The following PSG7 variants were observed in gnomAD, a reference collection of about 807,000 sequenced individuals.
The protein encoded by PSG7 is pregnancy-specific beta-1-glycoprotein 7.
A neutral mutation model predicts 45.6 loss-of-function variants in PSG7; 57 were observed. That is an observed-to-expected ratio of 1.25 (90% CI 1.01 to 1.56). The LOEUF (loss-of-function observed/expected upper bound fraction) is 1.56, where lower values mean the gene tolerates loss of function less well. Ranked by LOEUF, PSG7 falls within the 40% of genes most tolerant of loss-of-function variation. PSG7 has a pLI of 0.00. For missense variants in PSG7, 796 were observed against 508.4 expected, an observed-to-expected ratio of 1.57 and a Z score of -5.44; for synonymous variants, 298 against 194.4, an observed-to-expected ratio of 1.53 and a Z score of -4.43.
Position 42,925,777 on chromosome 19 carries a change from G to A in PSG7, c.1239C>T (p.Val413=), listed in dbSNP as rs752617449. 3.7e-6 allele frequency: 6 copies of A among 1,611,934 alleles called. No homozygotes were observed. The East Asian group carries it at 8.9e-5, about 24-fold the overall frequency. ...KESSKSVTVR[V]SDWTLP ...AGGATGCTGGGATCCACTTACCAGAGACTCTGACTGTCACGGATTTGGAGC... is the reference window on the plus strand; with the variant it reads ...AGGATGCTGGGATCCACTTACCAGAAACTCTGACTGTCACGGATTTGGAGC... The change falls in exon 5 of 6, where the codon GTC becomes GTT. Residue 413 remains valine, a synonymous_variant. Transcript: ENST00000406070.
chr19:42,931,894 T>C (rs988855874), intron 2 of PSG7, among the ~76,000 whole-genome samples: 1 of 151,364 alleles, frequency 6.6e-6, no homozygotes, highest in Non-Finnish European at 1.5e-5. Flanking sequence ...CCACTTTTTT[T>C]CCCCCACTCT....
intron 2 of PSG7, among the ~76,000 whole-genome samples, chr19:42,934,858 G>C (rs1189070332): frequency 6.6e-6 from 1 of 151,680 alleles, no homozygotes; most frequent in African/African-American, 2.4e-5. Context: ...GAGGCTCTGA[G>C]GGCTGAGCCC....
In PSG7 at chr19:42,924,800, A is replaced by G. The variant is rs1467554364; in HGVS notation, c.*8T>C. The G allele has an allele frequency of 2.6e-6, 2 of 765,064 alleles. No individual in the cohort carries two copies. Among genetic ancestry groups the G allele is most frequent in the Non-Finnish European group, 4.8e-6 (2 of 416,886 alleles). 47.4% of individuals were successfully genotyped at this position (765,064 alleles called of 1,614,324 possible). Reference sequence around the variant, plus strand: ...GGGAGAAGATGGAATTGGAGGAACTAGTAGAATTCAGGGTAATGTCCAGTC... The same window carrying G: ...GGGAGAAGATGGAATTGGAGGAACTGGTAGAATTCAGGGTAATGTCCAGTC... On this transcript the variant is annotated 3_prime_UTR_variant, in exon 6 of 6. Transcript: ENST00000406070.
chr19:42,925,935 G>T lies in PSG7; in HGVS notation c.1081C>A (p.Pro361Thr), dbSNP rs1436744299. Residue 361 changes from proline to threonine, a missense_variant, in exon 5 of 6, where the codon CCG becomes ACG. Physicochemically the swap from Pro to Thr is conservative, Grantham distance 38. Transcript: ENST00000406070. ...YLSCFADSNP[P>T]AQYSWTINGK... ...TTAATTGTCCAAGAATACTGTGCCG[G>T]TGGGTTAGAGTCCGCAAAGCAGGAC... 1.9e-6 allele frequency: 3 copies of T among 1,612,254 alleles called. No homozygotes were observed. The African/African-American group carries it at 4.0e-5, about 22-fold the overall frequency.
chr19:42,937,020 C>A lies in PSG7; in HGVS notation c.57G>T (p.Leu19=). The stretch of plus-strand genomic sequence containing the variant: ...AGGAAGTTCTCTCCTCACCTGTGAG[C>A]AGGAGCCCTTTCCAGGTTATATGCT... ...CTQHITWKGL[L]LTASLLNFWN... The change falls in exon 1 of 6, where the codon CTG becomes CTT. Residue 19 remains leucine, a synonymous_variant. Transcript: ENST00000406070. The A allele has an allele frequency of 3.7e-6, 6 of 1,611,418 alleles. No homozygotes were observed. Among genetic ancestry groups the A allele is most frequent in the Non-Finnish European group, 5.1e-6 (6 of 1,178,472 alleles).
At position 42,925,849 on chromosome 19, in the gene PSG7, G is replaced by T. The variant is rs573034811; in HGVS notation, c.1167C>A (p.Ser389Arg). The T allele has an allele frequency of 5.0e-6, 8 of 1,611,846 alleles. No homozygotes were observed. Among genetic ancestry groups the T allele is most frequent in the South Asian group, 3.3e-5 (3 of 90,620 alleles). ...TACGAACAGAGCAAGCATAGAGCCC[G>T]CTATGCTTTGTAGTAATCTGGGGGA... Reference protein sequence around the residue: ...LSIPQITTKHSGLYACSVRNS... With the variant: ...LSIPQITTKHRGLYACSVRNS... Residue 389 changes from serine (S) to arginine (R), a missense_variant, in exon 5 of 6, where the codon AGC becomes AGA. Ser to Arg is a moderately radical substitution (Grantham distance 110). Coordinates refer to ENST00000406070, the MANE Select transcript of PSG7 (RefSeq NM_002783.3).
At position 42,935,510 on chromosome 19, in the gene PSG7, C is replaced by G. The variant is rs781939010; in HGVS notation, c.324G>C (p.Leu108=). 16 of 1,612,214 alleles carry G rather than the reference C, an allele frequency of 9.9e-6. 2 individuals carry two copies. Among genetic ancestry groups the G allele is most frequent in the Non-Finnish European group, 1.4e-5 (16 of 1,179,044 alleles). ...TGTCTTCCTGGGTGACATTCTGGAT[C>G]AGCAGGGATGCATTGGAATATACTG... The part of the protein sequence containing the change: ...RETVYSNASL[L]IQNVTQEDTG... The change falls in exon 2 of 6, where the codon CTG becomes CTC. Residue 108 remains leucine, a synonymous_variant. Coordinates refer to ENST00000406070, the MANE Select transcript of PSG7 (RefSeq NM_002783.3).
chr19:42,934,194 C>G (rs1226801516), intron 2 of PSG7, among the ~76,000 whole-genome samples: 1 of 151,438 alleles, frequency 6.6e-6, no homozygotes, highest in African/African-American at 2.4e-5. Context: ...GTGTTAAGAT[C>G]TGAGGGGGAG....
chr19:42,931,890 T>C (rs28633828), intron 2 of PSG7, among the ~76,000 whole-genome samples: 1 of 145,494 alleles, frequency 6.9e-6, no homozygotes, highest in East Asian at 1.9e-4. Context: ...TGTTCCACTT[T>C]TTTTCCCCCA....
chr19:42,927,355 T>A (rs1179987285), intron 3 of PSG7: 3 of 157,560 alleles, frequency 1.9e-5, no homozygotes, highest in East Asian at 3.8e-4. Context: ...ACCAGTGACC[T>A]CTAAAGATAG....
At chr19:42,927,402 G>T in intron 3 of PSG7, 1 of 153,202 alleles carries the variant, frequency 6.5e-6, no homozygotes, top group Admixed American at 6.4e-5. Context: ...AGAGTGAAGG[G>T]GACAAGCAAG....
intron 2 of PSG7, among the ~76,000 whole-genome samples, chr19:42,930,521 T>G (rs762276543): frequency 4.6e-5 from 7 of 151,840 alleles, no homozygotes; most frequent in Admixed American, 6.6e-5. Flanking sequence ...AAATACATGT[T>G]GATGTTTGCA....
intron 2 of PSG7, among the ~76,000 whole-genome samples, chr19:42,933,417 A>C (rs1173042633): frequency 6.9e-6 from 1 of 144,710 alleles, no homozygotes; most frequent in African/African-American, 2.6e-5. Context: ...GGTCTTGTCC[A>C]CAGGTCAGCC....
chr19:42,929,274 C>A, intron 3 of PSG7, 168 bp downstream of exon 3: 6 of 1,450,464 alleles, frequency 4.1e-6, no homozygotes, highest in Non-Finnish European at 5.6e-6. Context: ...TATTGTGGAT[C>A]AAGCCTAGGC....
chr19:42,933,301 ATATATATTTTTT>A (rs1312121788), intron 2 of PSG7, among the ~76,000 whole-genome samples: 7 of 14,660 alleles, frequency 4.8e-4, no homozygotes, highest in African/African-American at 1.1e-3. Context: ...ATATATATAT[ATATATATTTTTT>A]TTTTTTTTTG....
rs1480952676 is a variant in PSG7 at position 42,924,812 on chromosome 19, G to A, written c.1256C>T (p.Pro419Leu). 2.6e-6 allele frequency: 2 copies of A among 761,192 alleles called. No individual in the cohort carries two copies. Among genetic ancestry groups the A allele is most frequent in the Non-Finnish European group, 4.8e-6 (2 of 415,854 alleles). The allele number at this position is 761,192 out of a possible 1,614,324, so 47.2% of individuals were successfully genotyped here. A position where few individuals can be genotyped will look rare whatever the true frequency, so the allele number is the denominator to read the frequency against. The change falls in exon 6 of 6, where the codon CCC becomes CTC. Residue 419 changes from proline (P) to leucine (L), a missense_variant. By Grantham distance (98) the Pro-to-Leu change is moderately conservative. Coordinates refer to ENST00000406070, the MANE Select transcript of PSG7 (RefSeq NM_002783.3). ...VTVRVSDWTL[P>L] The stretch of plus-strand genomic sequence containing the variant: ...AATTGGAGGAACTAGTAGAATTCAG[G>A]GTAATGTCCAGTCTACAGTGGATAA...
chr19:42,926,065 C>G lies in PSG7; in HGVS notation c.989-38G>C, dbSNP rs369139496. ...GAATAAAGCCACAGGTGATGTTATC[C>G]GAGGGAAGGGGATGCTCCTGGTCTC... is the stretch of plus-strand genomic sequence containing the variant. On this transcript the variant is annotated intron_variant, in intron 4 of 5. Transcript: ENST00000406070. 5 of 1,603,002 alleles carry G rather than the reference C, an allele frequency of 3.1e-6. No individual in the cohort carries two copies. In the South Asian group the frequency reaches 3.4e-5, roughly 11 times the overall value.
intron 1 of PSG7, chr19:42,936,017 C>G (rs995823266): frequency 1.4e-6 from 1 of 721,980 alleles, no homozygotes; most frequent in Non-Finnish European, 2.0e-6. Flanking sequence ...CTTCAACACT[C>G]CTGACTTTGG....
intron 1 of PSG7, 73 bp downstream of exon 1, chr19:42,936,940 A>T: frequency 6.3e-7 from 1 of 1,586,674 alleles, no homozygotes; most frequent in Non-Finnish European, 8.6e-7. Context: ...TTAGAACCCC[A>T]TCCTCTCTAG....
Sources: allele counts gnomAD v4.1 joint callset (sites outside exome capture counted in the v4.1 genomes callset), GRCh38; gene constraint gnomAD v4.1.1; transcripts MANE v1.5; gene names NCBI Gene and HGNC (gene_info 2026-07-23, HGNC 2026-07-21).